The following PRX variants were observed in gnomAD, a reference collection of about 807,000 sequenced individuals.
PRX encodes periaxin.
A neutral mutation model predicts 29.6 loss-of-function variants in PRX; 24 were observed. The observed-to-expected ratio is 0.81, with a 90% confidence interval of 0.59 to 1.14. The LOEUF (loss-of-function observed/expected upper bound fraction) is 1.14, where lower values mean the gene tolerates loss of function less well. PRX is among the 50% of genes most tolerant of loss of function. The probability of loss-of-function intolerance (pLI) is 0.00; values close to 1 mark genes in which losing one functional copy is unlikely to be tolerated. For synonymous variants in PRX, 772 were observed against 831.7 expected (o/e 0.93, Z 1.24); for missense variants, 1,838 against 1,926.4 (o/e 0.95, Z 0.86).
chr19:40,403,520 CCAGA>C (rs1175864200), intron 5 of PRX, among the ~76,000 whole-genome samples, 182 bp downstream of exon 5: 1 of 152,118 alleles, frequency 6.6e-6, no homozygotes, highest in East Asian at 1.9e-4. Flanking sequence ...AAATTCGCAC[CCAGA>C]CAGTGAACCT....
Position 40,398,962 on chromosome 19 carries a change from T to A in PRX, c.185-146A>T. The A allele has an allele frequency of 6.7e-7, 1 of 1,491,244 alleles. No individual in the cohort carries two copies. Among genetic ancestry groups the A allele is most frequent in the Non-Finnish European group, 9.0e-7 (1 of 1,117,094 alleles). 92.4% of individuals were successfully genotyped at this position (1,491,244 alleles called of 1,614,324 possible). On this transcript the variant is annotated intron_variant, in intron 5 of 6. Coordinates refer to ENST00000324001, the MANE Select transcript of PRX (RefSeq NM_181882.3). This position sits in a 1 kb window ranked among gnomAD's most constrained non-coding sequence, Gnocchi z 6.3. ...TCCCCAGCGCAGGATTAAGTCGCAG[T>A]TACGCTAGTCCCCGCCCCATGACCT...
chr19:40,396,070 G>T lies in PRX; in HGVS notation c.2282C>A (p.Pro761Gln), dbSNP rs530370432. ...SEIRLPEMQV[P>Q]KVPDVHLPKA... The stretch of plus-strand genomic sequence containing the variant: ...CGGAAGATGCACGTCGGGAACCTTC[G>T]GCACTTGCATTTCCGGCAGCCGAAT... Residue 761 changes from proline to glutamine, a missense_variant, in exon 7 of 7, where the codon CCG becomes CAG. Physicochemically the swap from Pro to Gln is moderately conservative, Grantham distance 76. Around this residue, in one of 3 missense-constraint regions of PRX, gnomAD observed 1,143 missense variants for 1,193.0 expected, o/e 0.96. Coordinates refer to ENST00000324001, the MANE Select transcript of PRX (RefSeq NM_181882.3). 6.2e-7 allele frequency: 1 copy of T among 1,614,032 alleles called. No individual in the cohort carries two copies. Among genetic ancestry groups the T allele is most frequent in the South Asian group, 1.1e-5 (1 of 91,094 alleles).
At position 40,403,785 on chromosome 19, in the gene PRX, C is replaced by G. The variant is rs1250462587; in HGVS notation, c.105G>C (p.Ala35=). The G allele has an allele frequency of 6.2e-7, 1 of 1,606,094 alleles. No homozygotes were observed. Among genetic ancestry groups the G allele is most frequent in the Non-Finnish European group, 8.5e-7 (1 of 1,177,326 alleles). Residue 35 remains alanine, a synonymous_variant, in exon 5 of 7, where the codon GCG becomes GCC. Coordinates refer to ENST00000324001, the MANE Select transcript of PRX (RefSeq NM_181882.3). Reference sequence around the variant, plus strand: ...CGAAGATTCCCTCTTTGCCGCCGCCCGCTACGTTGATGCCGCTGACCCCGG... The same window carrying G: ...CGAAGATTCCCTCTTTGCCGCCGCCGGCTACGTTGATGCCGCTGACCCCGG... ...AQTGVSGINV[A]GGGKEGIFVR...
In PRX at chr19:40,396,967, T is replaced by A. The variant is rs1488978885; in HGVS notation, c.1385A>T (p.Glu462Val). ...GAGCTCCACCTCTGGGAGTCGAACC[T>A]CTGGAAGGGCTGCCTCGGGCACTTT... ...LPKVPEAALPEVRLPEVELPK... is the reference protein window; with the variant it reads ...LPKVPEAALPVVRLPEVELPK... The change falls in exon 7 of 7, where the codon GAG becomes GTG. Residue 462 changes from glutamate (E) to valine (V), a missense_variant. By Grantham distance (121) the Glu-to-Val change is moderately radical. Around this residue, in one of 3 missense-constraint regions of PRX, gnomAD observed 666 missense variants for 665.0 expected, o/e 1.00. Transcript: ENST00000324001. The A allele has an allele frequency of 1.9e-6, 3 of 1,614,148 alleles. No homozygotes were observed. Among genetic ancestry groups the A allele is most frequent in the Admixed American group, 3.3e-5 (2 of 60,024 alleles).
Position 40,398,867 on chromosome 19 carries a change from C to T in PRX, c.185-51G>A, listed in dbSNP as rs1243437097. On this transcript the variant is annotated intron_variant, in intron 5 of 6. Coordinates refer to ENST00000324001, the MANE Select transcript of PRX (RefSeq NM_181882.3). This position sits in a 1 kb window ranked among gnomAD's most constrained non-coding sequence, Gnocchi z 6.3. ...CACGTGGGCATCTCCCGGCTCCGCC[C>T]GGGCCTAGTTCTGCCCACTTGCACG... The T allele has an allele frequency of 2.5e-6, 4 of 1,612,570 alleles. No homozygotes were observed. In the African/African-American group the frequency reaches 4.0e-5, roughly 16 times the overall value.
intron 1 of PRX, among the ~76,000 whole-genome samples, chr19:40,411,115 C>G (rs796381211): frequency 4.6e-5 from 7 of 152,248 alleles, no homozygotes; most frequent in African/African-American, 1.7e-4. Flanking sequence ...GTCACCCAGC[C>G]AGAAAGGGGC....
At position 40,397,252 on chromosome 19, in the gene PRX, G is replaced by GC; in HGVS notation, c.1099dup (p.Ala367GlyfsTer8). ...GGCCTCAGCAACTTCCTTTGCTCGA[G>GC]CCCCAAATCGGGGAAAACTAAGGCG... is the stretch of plus-strand genomic sequence containing the variant. On this transcript the variant is annotated frameshift_variant, in exon 7 of 7. Transcript: ENST00000324001. LOFTEE classifies it low-confidence loss of function (END_TRUNC). 1.9e-6 allele frequency: 3 copies of GC among 1,613,826 alleles called. No individual in the cohort carries two copies. Among genetic ancestry groups the GC allele is most frequent in the Non-Finnish European group, 2.5e-6 (3 of 1,180,040 alleles).
rs876661240 is a variant in PRX, at chr19:40,397,645, A to G, written c.707T>C (p.Leu236Pro). 1.2e-5 allele frequency: 19 copies of G among 1,547,142 alleles called. No homozygotes were observed. The highest frequency in any genetic ancestry group is 1.9e-5 in the Admixed American group (1 of 51,784). Residue 236 changes from leucine to proline, a missense_variant, in exon 7 of 7, where the codon CTG (leucine) becomes CCG (proline). Transcript: ENST00000324001. ...CGCCCCTGGCAGCCGCGGCCCAACC[A>G]GCTCCACCTGAGGGGCTGTGAAACG... is the stretch of plus-strand genomic sequence containing the variant. The part of the protein sequence containing the change: ...GARFTAPQVE[L>P]VGPRLPGAEV...
At chr19:40,402,748 C>T (rs963154239) in intron 5 of PRX, among the ~76,000 whole-genome samples, 1 of 136,096 alleles carries the variant, frequency 7.3e-6, no homozygotes, top group African/African-American at 3.1e-5. Flanking sequence ...GCACTCCAGC[C>T]TGGGCAACAG....
chr19:40,407,923 T>C lies in PRX; in HGVS notation c.10A>G (p.Arg4Gly), dbSNP rs760534109. Residue 4 changes from arginine (R) to glycine (G), a missense_variant, in exon 4 of 7, where the codon AGG (arginine) becomes GGG (glycine). Arg to Gly is a moderately radical substitution (Grantham distance 125). Around this residue, in one of 3 missense-constraint regions of PRX, gnomAD observed 666 missense variants for 665.0 expected, o/e 1.00. Coordinates refer to ENST00000324001, the MANE Select transcript of PRX (RefSeq NM_181882.3). ...GCACTCACCTCGGCACTCCGGCTCC[T>C]GGCCTCCATGGCGTTGCTGGGAGGC... The part of the protein sequence containing the change: MEA[R>G]SRSAEELRRA... 10 of 1,613,772 alleles carry C rather than the reference T, an allele frequency of 6.2e-6. No individual in the cohort carries two copies. Among genetic ancestry groups the C allele is most frequent in the South Asian group, 5.5e-5 (5 of 91,080 alleles).
chr19:40,406,198 G>C (rs1159515478), intron 4 of PRX, among the ~76,000 whole-genome samples: 1 of 148,770 alleles, frequency 6.7e-6, no homozygotes, highest in Non-Finnish European at 1.5e-5. Flanking sequence ...AGTGAGCTGA[G>C]ATCGCACCAC....
intron 4 of PRX, 35 bp from the exon 5 acceptor site, chr19:40,403,897 T>C: frequency 1.3e-6 from 2 of 1,596,688 alleles, no homozygotes; most frequent in Non-Finnish European, 1.7e-6. Flanking sequence ...GTTGGGGCTC[T>C]AGGGCCGGAC....
intron 5 of PRX, among the ~76,000 whole-genome samples, chr19:40,402,309 G>T (rs918955450): frequency 1.3e-5 from 2 of 151,768 alleles, no homozygotes; most frequent in Non-Finnish European, 2.9e-5. Context: ...AGCCGAGATC[G>T]TGCCACTGCA....
chr19:40,401,813 G>T (rs2079496290), intron 5 of PRX, among the ~76,000 whole-genome samples: 1 of 149,938 alleles, frequency 6.7e-6, no homozygotes, highest in East Asian at 2.0e-4. Flanking sequence ...TTTCGCCCAG[G>T]CTGGAGTGAA....
At position 40,394,045 on chromosome 19, in the gene PRX, C is replaced by T. The variant is rs368827070; in HGVS notation, c.4307G>A (p.Arg1436Gln). ...CTCTGAAAACCCCACGCTGGGCAGC[C>T]GCACCCGCAATCCACCCTCTTCCTG... ...GDQEEGGLRV[R>Q]LPSVGFSETG... Residue 1436 changes from arginine (R) to glutamine (Q), a missense_variant, in exon 7 of 7, where the codon CGG becomes CAG. Transcript: ENST00000324001. This position sits in a 1 kb window ranked among gnomAD's most constrained non-coding sequence, Gnocchi z 5.8. 251 of 1,612,976 alleles carry T rather than the reference C, an allele frequency of 1.6e-4. No individual in the cohort carries two copies. The highest frequency in any genetic ancestry group is 2.1e-4 in the Non-Finnish European group (245 of 1,179,306).
Position 40,398,538 on chromosome 19 carries a change from C to A in PRX, c.381+82G>T. The A allele has an allele frequency of 6.3e-7, 1 of 1,592,536 alleles. No individual in the cohort carries two copies. Among genetic ancestry groups the A allele is most frequent in the South Asian group, 1.1e-5 (1 of 90,090 alleles). The stretch of plus-strand genomic sequence containing the variant: ...CAAGACAGAGGGCAAGGCTGGCCCA[C>A]GATGGCGGGGAATGGGGCTCACGGC... On this transcript the variant is annotated intron_variant, in intron 6 of 6. Coordinates refer to ENST00000324001, the MANE Select transcript of PRX (RefSeq NM_181882.3). The surrounding 1 kb of genome is among the most constrained non-coding windows in gnomAD (Gnocchi z 6.3).
At position 40,394,908 on chromosome 19, in the gene PRX, C is replaced by G; in HGVS notation, c.3444G>C (p.Leu1148=). Residue 1148 remains leucine (L), a synonymous_variant, in exon 7 of 7, where the codon CTG becomes CTC. Transcript: ENST00000324001. This position sits in a 1 kb window ranked among gnomAD's most constrained non-coding sequence, Gnocchi z 5.8. ...GCTCCACCTGTGGCAGGGAGATGCC[C>G]AGCGGAGGCATCCTCAGCCCCGCGT... ...GHDAGLRMPP[L]GISLPQVELT... 6.2e-7 allele frequency: 1 copy of G among 1,610,578 alleles called. No homozygotes were observed. Among genetic ancestry groups the G allele is most frequent in the South Asian group, 1.1e-5 (1 of 91,078 alleles).
In PRX at chr19:40,395,154, A is replaced by G; in HGVS notation, c.3198T>C (p.Phe1066=). 1 of 1,614,118 alleles carries G rather than the reference A, an allele frequency of 6.2e-7. No homozygotes were observed. Among genetic ancestry groups the G allele is most frequent in the Non-Finnish European group, 8.5e-7 (1 of 1,180,008 alleles). The change falls in exon 7 of 7, where the codon TTT becomes TTC. Residue 1066 remains phenylalanine (F), a synonymous_variant. Transcript: ENST00000324001. ...VKMPKLKMPS[F]GLARGKEAEV... ...CTGCTTCCTTCCCTCGAGCCAGCCC[A>G]AAGGAAGGCATCTTCAGCTTGGGCA...
intron 5 of PRX, among the ~76,000 whole-genome samples, chr19:40,399,895 C>CTT (rs914940572): frequency 9.9e-5 from 7 of 71,026 alleles, no homozygotes; most frequent in African/African-American, 2.4e-4. Flanking sequence ...TTCTTTCTTT[C>CTT]TTTCTTTCTT....
Sources: allele counts gnomAD v4.1 joint callset (sites outside exome capture counted in the v4.1 genomes callset), GRCh38; gene constraint gnomAD v4.1.1; regional missense constraint gnomAD v4.1.1; non-coding constraint Gnocchi (gnomAD v3.1); transcripts MANE v1.5; gene names NCBI Gene and HGNC (gene_info 2026-07-23, HGNC 2026-07-21).